Variants in EYS observed in about 807,000 individuals in gnomAD.
EYS encodes the protein EGF-like photoreceptor maintenance factor, also known as protein eyes shut homolog.
EYS carries 250 observed loss-of-function variants against 282.1 expected under a neutral mutation model. The observed-to-expected ratio is 0.89, with a 90% CI of 0.80 to 0.98. EYS has a LOEUF of 0.98. Ranked by LOEUF, EYS falls within the 50% of genes least tolerant of loss-of-function variation. The pLI, the probability that EYS is intolerant of heterozygous loss-of-function variation, is 0.00. For missense variants in EYS, 4,016 were observed against 3,709.0 expected (o/e 1.08, Z -2.15); for synonymous variants, 1,355 against 1,282.9 (o/e 1.06, Z -1.20).
chr6:64,003,368 A>G (rs1768188129), intron 33 of EYS, among the ~76,000 whole-genome samples: 1 of 152,214 alleles, frequency 6.6e-6, no homozygotes, highest in South Asian at 2.1e-4. Context: ...AGAATGAATA[A>G]GATCTACTAT....
chr6:65,389,344 T>TA (rs1765921482), intron 7 of EYS, among the ~76,000 whole-genome samples: 1 of 152,152 alleles, frequency 6.6e-6, no homozygotes, highest in Non-Finnish European at 1.5e-5. Flanking sequence ...CATGCATGGA[T>TA]AGGGCCTGAA....
At chr6:64,035,785 A>G (rs925505311) in intron 33 of EYS, among the ~76,000 whole-genome samples, 2 of 152,222 alleles carry the variant, frequency 1.3e-5, no homozygotes, top group African/African-American at 2.4e-5. Context: ...CAGTGCTTTA[A>G]AAATTTTTAA....
chr6:65,071,340 T>G (rs1195967985), intron 12 of EYS, among the ~76,000 whole-genome samples: 1 of 151,840 alleles, frequency 6.6e-6, no homozygotes, highest in Non-Finnish European at 1.5e-5. Flanking sequence ...TATCAGAAAA[T>G]TTGTTTGGAA....
chr6:64,213,116 T>C (rs1765829516), intron 31 of EYS, among the ~76,000 whole-genome samples: 1 of 151,992 alleles, frequency 6.6e-6, no homozygotes, highest in African/African-American at 2.4e-5. Context: ...AGGGAGAGGA[T>C]CAGGAAAACT....
At chr6:64,310,069 T>TA (rs796077180) in intron 29 of EYS, among the ~76,000 whole-genome samples, 96 of 145,454 alleles carry the variant, frequency 6.6e-4, no homozygotes, top group African/African-American at 2.0e-3. Flanking sequence ...GTAAAAAAAA[T>TA]AAAAAAAAAA....
At chr6:65,031,879 A>C (rs975695588) in intron 13 of EYS, among the ~76,000 whole-genome samples, 1 of 152,124 alleles carries the variant, frequency 6.6e-6, no homozygotes, top group Non-Finnish European at 1.5e-5. Context: ...AAGCAAAATC[A>C]GAGCTGAACT....
intron 19 of EYS, among the ~76,000 whole-genome samples, chr6:64,865,979 T>TA (rs1562233019): frequency 2.0e-5 from 3 of 152,036 alleles, no homozygotes; most frequent in African/African-American, 7.2e-5. Context: ...TCAGAAATTT[T>TA]AAAAAATTAA....
At chr6:64,155,742 T>C (rs1009984395) in intron 31 of EYS, among the ~76,000 whole-genome samples, 3 of 152,280 alleles carry the variant, frequency 2.0e-5, no homozygotes, top group Non-Finnish European at 1.5e-5. Context: ...ATTTAAAATG[T>C]GTATATTTTA....
At chr6:65,301,578 T>G (rs1474459584) in intron 11 of EYS, among the ~76,000 whole-genome samples, 1 of 152,192 alleles carries the variant, frequency 6.6e-6, no homozygotes, top group African/African-American at 2.4e-5. Flanking sequence ...GGGGATAGTG[T>G]CATCGGTTCG....
intron 12 of EYS, among the ~76,000 whole-genome samples, chr6:65,280,855 TAAA>T (rs539220801): frequency 3.5e-5 from 5 of 142,796 alleles, no homozygotes; most frequent in Admixed American, 1.4e-4. Context: ...CCGTCTGTAC[TAAA>T]AAAAAAAATA....
At chr6:65,646,117 G>A (rs918384696) in intron 1 of EYS, among the ~76,000 whole-genome samples, 13 of 152,106 alleles carry the variant, frequency 8.5e-5, no homozygotes, top group Middle Eastern at 6.8e-3. Flanking sequence ...GAATTCAAAC[G>A]AATTCTACTG....
intron 31 of EYS, among the ~76,000 whole-genome samples, chr6:64,120,230 C>A (rs186603564): frequency 6.6e-6 from 1 of 151,030 alleles, no homozygotes; most frequent in Non-Finnish European, 1.5e-5. Flanking sequence ...GTGGCGGGCC[C>A]CTGTAGTCCC....
At chr6:65,412,466 T>C (rs12216299) in intron 5 of EYS, among the ~76,000 whole-genome samples, 5 of 152,128 alleles carry the variant, frequency 3.3e-5, no homozygotes, top group Non-Finnish European at 7.4e-5. Context: ...GTATAAGAGA[T>C]TTAGTTACTC....
At chr6:64,560,269 G>A (rs985440843) in intron 26 of EYS, among the ~76,000 whole-genome samples, 3 of 151,296 alleles carry the variant, frequency 2.0e-5, no homozygotes, top group Non-Finnish European at 4.4e-5. Flanking sequence ...TATTTTTTAT[G>A]GTCAATTGTA....
chr6:65,344,100 A>C lies in EYS; in HGVS notation c.1537T>G (p.Tyr513Asp). ...LAANCTEDAT[Y>D]VNDPEDNNSS... is the part of the protein sequence containing the mutation. ...TTATTATCTTCAGGATCGTTCACATAGGTTGCATCTTCAGTGCAGTTTGCA... is the reference window on the plus strand; with the variant it reads ...TTATTATCTTCAGGATCGTTCACATCGGTTGCATCTTCAGTGCAGTTTGCA... The change falls in exon 10 of 43, where the codon TAT becomes GAT. Residue 513 changes from tyrosine to aspartate, a missense_variant. Transcript: ENST00000503581. 6.2e-7 allele frequency: 1 copy of C among 1,610,774 alleles called. No homozygotes were observed. The highest frequency in any genetic ancestry group is 8.5e-7 in the Non-Finnish European group (1 of 1,177,860).
At chr6:64,499,855 C>A (rs567833641) in intron 26 of EYS, among the ~76,000 whole-genome samples, 6 of 152,080 alleles carry the variant, frequency 3.9e-5, no homozygotes, top group African/African-American at 1.4e-4. Context: ...ATAGTTTGAT[C>A]ATTTCTGCTT....
intron 31 of EYS, among the ~76,000 whole-genome samples, chr6:64,110,214 C>T (rs1385465712): frequency 6.6e-6 from 1 of 151,572 alleles, no homozygotes; most frequent in Non-Finnish European, 1.5e-5. Context: ...TAAAGGCTTT[C>T]TTACTCCCTC....
rs141716388 is a variant in EYS, at chr6:65,014,872, G to T, written c.2138-17169C>A. On this transcript the variant is annotated intron_variant, in intron 13 of 42. Coordinates refer to ENST00000503581, the MANE Select transcript of EYS (RefSeq NM_001142800.2). ...CAGATTTGATTAAGTTGAGGATTTT[G>T]TTGTGGTAAGCTTATCCTATTTTAT... Among the ~76,000 whole-genome samples the T allele has an allele frequency of 5.8e-4, 89 of 152,248 alleles. 1 individual carries two copies. The East Asian group carries it at 7.4e-3, about 13-fold the overall frequency.
In EYS at chr6:65,277,156, T is replaced by C. The variant is rs1002087082; in HGVS notation, c.2023+18707A>G. On this transcript the variant is annotated intron_variant, in intron 12 of 42. Transcript: ENST00000503581. ...GCCCTTACAAAAGGGACCCCAGGGC[T>C]GGGTGCAGTGGCTCATGCCTGTAAT... Among the ~76,000 whole-genome samples the C allele has an allele frequency of 3.1e-4, 47 of 152,206 alleles. 1 individual carries two copies. The highest frequency in any genetic ancestry group is 2.9e-4 in the Non-Finnish European group (20 of 68,014).
Sources: allele counts gnomAD v4.1 joint callset (sites outside exome capture counted in the v4.1 genomes callset), GRCh38; gene constraint gnomAD v4.1.1; transcripts MANE v1.5; gene names NCBI Gene and HGNC (gene_info 2026-07-23, HGNC 2026-07-21).